RABGAP1L: variants seen among roughly 807,000 people sequenced by gnomAD.
RABGAP1L encodes the protein RAB GTPase activating protein 1 like, also known as rab GTPase-activating protein 1-like.
Under a neutral mutation model 137.7 loss-of-function variants are expected in RABGAP1L, and 63 were observed. The ratio of observed to expected loss-of-function variants is 0.46; its 90% CI spans 0.37 to 0.56. The LOEUF (loss-of-function observed/expected upper bound fraction) is 0.56. Ranked by LOEUF, RABGAP1L falls within the 20% of genes least tolerant of loss-of-function variation. The pLI is 0.00. For synonymous variants in RABGAP1L, 431 were observed against 433.7 expected, an observed-to-expected ratio of 0.99 and a Z score of 0.08; for missense variants, 1,095 against 1,244.0, an observed-to-expected ratio of 0.88 and a Z score of 1.80.
At chr1:174,862,784 G>T (rs1309694940) in intron 19 of RABGAP1L, among the ~76,000 whole-genome samples, 1 of 151,914 alleles carries the variant, frequency 6.6e-6, no homozygotes, top group African/African-American at 2.4e-5. Context: ...TCTAGTAAAG[G>T]CTTGAAGGAT....
intron 14 of RABGAP1L, among the ~76,000 whole-genome samples, chr1:174,666,534 G>T (rs991957316): frequency 6.6e-6 from 1 of 152,212 alleles, no homozygotes; most frequent in Non-Finnish European, 1.5e-5. Flanking sequence ...TATGTTAGCA[G>T]TACCAAGAAG....
At chr1:174,976,267 T>G (rs1670633779) in intron 22 of RABGAP1L, 85 bp downstream of exon 22, 1 of 1,140,006 alleles carries the variant, frequency 8.8e-7, no homozygotes, top group Non-Finnish European at 1.3e-6. Context: ...AAATTAAATT[T>G]CTTCTAAATC....
intron 12 of RABGAP1L, among the ~76,000 whole-genome samples, chr1:174,390,494 C>G (rs1687136100): frequency 6.6e-6 from 1 of 152,054 alleles, no homozygotes; most frequent in Non-Finnish European, 1.5e-5. Flanking sequence ...TATTATATAT[C>G]ATTATATAAA....
At chr1:174,769,406 G>T (rs938149471) in intron 18 of RABGAP1L, among the ~76,000 whole-genome samples, 19 of 152,054 alleles carry the variant, frequency 1.2e-4, no homozygotes, top group Non-Finnish European at 2.4e-4. Context: ...CCATTCTTAG[G>T]TTCTATAATA....
intron 13 of RABGAP1L, among the ~76,000 whole-genome samples, chr1:174,425,284 A>G (rs1362663125): frequency 6.6e-6 from 1 of 151,988 alleles, no homozygotes; most frequent in Non-Finnish European, 1.5e-5. Context: ...ACCTTTTTGA[A>G]TGTAAACATT....
chr1:174,365,309 G>A (rs1438059507), intron 11 of RABGAP1L: 1 of 152,162 alleles, frequency 6.6e-6, no homozygotes, highest in African/African-American at 2.4e-5. Flanking sequence ...AAAGAATGAA[G>A]GTACAGCAGT....
At chr1:174,195,712 CT>C (rs201837498) in intron 1 of RABGAP1L, among the ~76,000 whole-genome samples, 17,625 of 105,980 alleles carry the variant, frequency 0.17, 1,988 homozygotes, top group African/African-American at 0.2. Context: ...TTCCTTCTTT[CT>C]TTTCTTTCTT....
At position 174,682,317 on chromosome 1, in the gene RABGAP1L, TACAC is replaced by T. The variant is rs531495515; in HGVS notation, c.1825-1185_1825-1182del. ...CTCTCTATACATACATATATATATA[TACAC>T]ACACACACACACACACACATACATC... is the stretch of plus-strand genomic sequence containing the variant. On this transcript the variant is annotated intron_variant, in intron 14 of 25. Transcript: ENST00000681986. 5.5e-3 allele frequency among the ~76,000 whole-genome samples: 819 copies of T among 148,620 alleles called. 8 individuals are homozygous for T. Among genetic ancestry groups the T allele is most frequent in the African/African-American group, 0.019 (776 of 40,772 alleles).
chr1:174,242,197 C>A (rs1671885719), intron 5 of RABGAP1L, among the ~76,000 whole-genome samples: 2 of 152,170 alleles, frequency 1.3e-5, no homozygotes, highest in African/African-American at 2.4e-5. Context: ...TCACTTAAAG[C>A]AGGTATAACA....
At chr1:174,733,995 T>C (rs774708428) in intron 17 of RABGAP1L, among the ~76,000 whole-genome samples, 3 of 152,234 alleles carry the variant, frequency 2.0e-5, no homozygotes, top group African/African-American at 4.8e-5. Flanking sequence ...GATTTGCTGA[T>C]GGTTTAACTG....
At chr1:174,562,441 G>T (rs142243089) in intron 13 of RABGAP1L, among the ~76,000 whole-genome samples, 2 of 152,322 alleles carry the variant, frequency 1.3e-5, no homozygotes, top group Admixed American at 6.5e-5. Flanking sequence ...GTGGAAGACA[G>T]TGTGGTGATT....
At chr1:174,664,794 A>T (rs912764394) in intron 14 of RABGAP1L, among the ~76,000 whole-genome samples, 6 of 133,552 alleles carry the variant, frequency 4.5e-5, no homozygotes, top group Admixed American at 2.5e-4. Context: ...CTGGAGTGCA[A>T]TGGTGTGATC....
intron 1 of RABGAP1L, among the ~76,000 whole-genome samples, chr1:174,166,132 GA>G (rs1307006074): frequency 3.3e-5 from 5 of 152,144 alleles, no homozygotes; most frequent in Non-Finnish European, 7.4e-5. Context: ...AGTAGAAGCT[GA>G]AGGGAAAAAT....
intron 14 of RABGAP1L, among the ~76,000 whole-genome samples, chr1:174,670,218 T>A (rs2148444554): frequency 6.6e-6 from 1 of 152,262 alleles, no homozygotes; most frequent in Admixed American, 6.5e-5. Context: ...TATTCCTAAA[T>A]GTTTTTATAG....
In RABGAP1L at chr1:174,317,367, G is replaced by A. The variant is rs114265009; in HGVS notation, c.1465+12240G>A. ...GCTCTTCAGATAGCAGGTGATGAACGCTGCTGGGATTGGGTTTTTTCCTTC... is the reference window on the plus strand; with the variant it reads ...GCTCTTCAGATAGCAGGTGATGAACACTGCTGGGATTGGGTTTTTTCCTTC... On this transcript the variant is annotated intron_variant, in intron 11 of 25. Transcript: ENST00000681986. Among the ~76,000 whole-genome samples the A allele has an allele frequency of 9.5e-3, 1,441 of 152,128 alleles. 24 individuals are homozygous for A. Among genetic ancestry groups the A allele is most frequent in the African/African-American group, 0.033 (1,379 of 41,510 alleles).
chr1:174,222,097 C>T (rs1371972540), intron 3 of RABGAP1L, among the ~76,000 whole-genome samples: 2 of 151,390 alleles, frequency 1.3e-5, no homozygotes, highest in African/African-American at 4.9e-5. Flanking sequence ...CCCAAAGTGT[C>T]GGGTTTACCA....
chr1:174,821,022 G>A (rs200452944), intron 19 of RABGAP1L, among the ~76,000 whole-genome samples: 139 of 146,582 alleles, frequency 9.5e-4, no homozygotes, highest in Non-Finnish European at 1.1e-3. Flanking sequence ...ATCTCAAAAA[G>A]AAAAAAAAAA....
intron 13 of RABGAP1L, among the ~76,000 whole-genome samples, chr1:174,583,082 A>G (rs1668860313): frequency 6.6e-6 from 1 of 152,122 alleles, no homozygotes; most frequent in African/African-American, 2.4e-5. Context: ...TATATTTCCC[A>G]AGTGCTTTTA....
chr1:174,875,670 C>T (rs1652971981), intron 19 of RABGAP1L: 1 of 985,250 alleles, frequency 1.0e-6, no homozygotes, highest in Non-Finnish European at 1.2e-6. Flanking sequence ...AAGAGGTTCA[C>T]AGTATCTTTT....
Sources: allele counts gnomAD v4.1 joint callset (sites outside exome capture counted in the v4.1 genomes callset), GRCh38; gene constraint gnomAD v4.1.1; transcripts MANE v1.5; gene names NCBI Gene and HGNC (gene_info 2026-07-23, HGNC 2026-07-21).